Variants in ARGFX observed in about 807,000 individuals in gnomAD.
ARGFX encodes the protein arginine-fifty homeobox.
In ARGFX, 10 loss-of-function variants were observed where a neutral mutation model predicts 8.0. The ratio of observed to expected loss-of-function variants is 1.25; its 90% CI spans 0.77 to 2.12. The LOEUF is 2.12. Ranked by LOEUF, ARGFX falls within the 30% of genes most tolerant of loss-of-function variation. ARGFX has a pLI of 0.00. For missense variants in ARGFX, 282 were observed against 324.3 expected, an observed-to-expected ratio of 0.87 and a Z score of 1.00; for synonymous variants, 116 against 117.8, an observed-to-expected ratio of 0.98 and a Z score of 0.10.
rs1348272054 is a variant in ARGFX, at chr3:121,568,000, G to C, written c.-26G>C. On this transcript the variant is annotated 5_prime_UTR_variant, in exon 1 of 5. Transcript: ENST00000334384. The stretch of plus-strand genomic sequence containing the variant: ...TAGGACTGAAAATGGTTACTCTAAG[G>C]GGATTCGTGACAGGTAAGCATGGGG... Among the ~76,000 whole-genome samples, 1 of 152,190 alleles carries C rather than the reference G, an allele frequency of 6.6e-6. No homozygotes were observed. The highest frequency in any genetic ancestry group is 2.1e-4 in the South Asian group (1 of 4,824).
At chr3:121,578,034 C>T (rs1173887639) in intron 3 of ARGFX, among the ~76,000 whole-genome samples, 2 of 152,066 alleles carry the variant, frequency 1.3e-5, no homozygotes, top group Non-Finnish European at 2.9e-5. Flanking sequence ...GATCCGCTCG[C>T]CTTGGCCTCC....
rs925427383 is a variant in ARGFX, at chr3:121,589,894, T to C, written c.*3294T>C. The stretch of plus-strand genomic sequence containing the variant: ...CATTCTCAATAATTGATAATAACAG[T>C]CCAAAGAAAGCAGAAAGAAGGAAAG... On this transcript the variant is annotated 3_prime_UTR_variant, in exon 5 of 5. Transcript: ENST00000334384. 2.6e-5 allele frequency among the ~76,000 whole-genome samples: 4 copies of C among 151,090 alleles called. No individual in the cohort carries two copies. Among genetic ancestry groups the C allele is most frequent in the Non-Finnish European group, 4.4e-5 (3 of 67,754 alleles).
chr3:121,583,425 G>GTTTTATTTTATTTTA lies in ARGFX; in HGVS notation c.221-1477_221-1463dup, dbSNP rs1210601592. 4.6e-5 allele frequency among the ~76,000 whole-genome samples: 7 copies of GTTTTATTTTATTTTA among 151,492 alleles called. No homozygotes were observed. The South Asian group carries it at 1.5e-3, about 32-fold the overall frequency. On this transcript the variant is annotated intron_variant, in intron 3 of 4. Coordinates refer to ENST00000334384, the MANE Select transcript of ARGFX (RefSeq NM_001012659.2). ...TTCTATACATATTTATTTTTATTTT[G>GTTTTATTTTATTTTA]TTTTATTTTATTTTATTTTATTTTA...
chr3:121,580,891 TC>T (rs2048775767), intron 3 of ARGFX, among the ~76,000 whole-genome samples: 2 of 152,162 alleles, frequency 1.3e-5, no homozygotes, highest in South Asian at 4.1e-4. Context: ...ACCCACTGCT[TC>T]CTTTACTGTA....
At chr3:121,583,359 T>A (rs1402281993) in intron 3 of ARGFX, among the ~76,000 whole-genome samples, 1 of 152,006 alleles carries the variant, frequency 6.6e-6, no homozygotes, top group Non-Finnish European at 1.5e-5. Context: ...AAAAAACCCT[T>A]TTCCTTTCCA....
intron 4 of ARGFX, 118 bp from the exon 5 acceptor site, chr3:121,585,904 T>C: frequency 1.0e-5 from 10 of 960,230 alleles, no homozygotes; most frequent in African/African-American, 1.6e-5. Flanking sequence ...CAGAGCCCAG[T>C]GTCATGGTGA....
chr3:121,585,924 G>A (rs1560122994), intron 4 of ARGFX, 98 bp from the exon 5 acceptor site: 7 of 1,148,090 alleles, frequency 6.1e-6, no homozygotes, highest in South Asian at 1.6e-5. Flanking sequence ...AATTAGAGAG[G>A]ACATGAAGAT....
chr3:121,585,262 T>A (rs2048804183), intron 4 of ARGFX, among the ~76,000 whole-genome samples, 197 bp downstream of exon 4: 1 of 151,906 alleles, frequency 6.6e-6, no homozygotes, highest in Admixed American at 6.6e-5. Context: ...AAAAATGAGG[T>A]TCAGAGGCAA....
At chr3:121,578,745 A>C (rs2048759379) in intron 3 of ARGFX, among the ~76,000 whole-genome samples, 1 of 148,662 alleles carries the variant, frequency 6.7e-6, no homozygotes, top group Non-Finnish European at 1.5e-5. Flanking sequence ...ATCTCGGCTC[A>C]CTGCAAGTTC....
chr3:121,569,662 G>A (rs1022270808), intron 1 of ARGFX, among the ~76,000 whole-genome samples: 11 of 152,202 alleles, frequency 7.2e-5, no homozygotes, highest in East Asian at 5.8e-4. Flanking sequence ...CACCATGCCC[G>A]TCCTGCAATG....
Position 121,586,836 on chromosome 3 carries a change from C to T in ARGFX, c.*236C>T, listed in dbSNP as rs2048815643. Among the ~76,000 whole-genome samples, 1 of 152,130 alleles carries T rather than the reference C, an allele frequency of 6.6e-6. No homozygotes were observed. Among genetic ancestry groups the T allele is most frequent in the African/African-American group, 2.4e-5 (1 of 41,422 alleles). On this transcript the variant is annotated 3_prime_UTR_variant, in exon 5 of 5. Transcript: ENST00000334384. Reference sequence around the variant, plus strand: ...CATGGCCAATGAGACTCCAAAATTCCCTTCCCAAAACTATCTTGGATTTTC... The same window carrying T: ...CATGGCCAATGAGACTCCAAAATTCTCTTCCCAAAACTATCTTGGATTTTC...
At chr3:121,573,848 C>CAAAAAAAAAA (rs35593006) in intron 2 of ARGFX, among the ~76,000 whole-genome samples, 1 of 59,036 alleles carries the variant, frequency 1.7e-5, no homozygotes, top group Non-Finnish European at 3.0e-5. Flanking sequence ...AACTCCATCT[C>CAAAAAAAAAA]AAAAAAAAAA....
At chr3:121,579,090 A>C (rs540053396) in intron 3 of ARGFX, among the ~76,000 whole-genome samples, 2 of 152,340 alleles carry the variant, frequency 1.3e-5, no homozygotes, top group East Asian at 3.9e-4. Context: ...AGCTAATTGA[A>C]TAAGAAATAG....
At position 121,579,945 on chromosome 3, in the gene ARGFX, C is replaced by T. The variant is rs143359513; in HGVS notation, c.220+3045C>T. ...CTTTCTTTTTCTTTTCTTTTCTTTTCTTTTTTTTTTTTTTTTTTTTTTTTT... is the reference window on the plus strand; with the variant it reads ...CTTTCTTTTTCTTTTCTTTTCTTTTTTTTTTTTTTTTTTTTTTTTTTTTTT... On this transcript the variant is annotated intron_variant, in intron 3 of 4. Coordinates refer to ENST00000334384, the MANE Select transcript of ARGFX (RefSeq NM_001012659.2). Among the ~76,000 whole-genome samples the T allele has an allele frequency of 4.3e-3, 390 of 91,254 alleles. 9 individuals are homozygous for T. Among genetic ancestry groups the T allele is most frequent in the African/African-American group, 0.017 (335 of 20,168 alleles). The allele number at this position is 91,254 out of a possible 152,430, so 59.9% of individuals were successfully genotyped here. A position where few individuals can be genotyped will look rare whatever the true frequency, so the allele number is the denominator to read the frequency against.
chr3:121,575,866 T>C (rs770889365), intron 2 of ARGFX, among the ~76,000 whole-genome samples: 1 of 151,764 alleles, frequency 6.6e-6, no homozygotes, highest in African/African-American at 2.4e-5. Context: ...TGAGCTGAGA[T>C]TGAGCCATTG....
At chr3:121,570,871 AG>A in intron 2 of ARGFX, 55 bp downstream of exon 2, 1 of 1,233,022 alleles carries the variant, frequency 8.1e-7, no homozygotes, top group East Asian at 2.7e-5. Context: ...ATTCTCATGC[AG>A]CCCTACAATT....
chr3:121,584,537 C>T (rs976429367), intron 3 of ARGFX, among the ~76,000 whole-genome samples: 6 of 152,152 alleles, frequency 3.9e-5, no homozygotes, highest in Middle Eastern at 3.4e-3. Flanking sequence ...ATCCACTGTC[C>T]TGAGGTTAGG....
chr3:121,576,443 A>C, intron 2 of ARGFX, among the ~76,000 whole-genome samples: 1 of 152,038 alleles, frequency 6.6e-6, no homozygotes, highest in African/African-American at 2.4e-5. Flanking sequence ...AGTTCAAGTG[A>C]TTCCCCTGCC....
chr3:121,582,917 G>A (rs773004489), intron 3 of ARGFX, among the ~76,000 whole-genome samples: 3 of 151,960 alleles, frequency 2.0e-5, no homozygotes, highest in Non-Finnish European at 2.9e-5. Flanking sequence ...TATTTCTCAG[G>A]CTGGTCTTAA....
Sources: allele counts gnomAD v4.1 joint callset (sites outside exome capture counted in the v4.1 genomes callset), GRCh38; gene constraint gnomAD v4.1.1; transcripts MANE v1.5; gene names NCBI Gene and HGNC (gene_info 2026-07-23, HGNC 2026-07-21).